The following CAST variants were observed in gnomAD, a reference collection of about 807,000 sequenced individuals.
CAST encodes calpastatin.
A neutral mutation model predicts 119.6 loss-of-function variants in CAST; 76 were observed. That is an observed-to-expected ratio of 0.64 (90% CI 0.53 to 0.77). CAST has a LOEUF of 0.77. Ranked by LOEUF, CAST falls within the 30% of genes least tolerant of loss-of-function variation. The probability of loss-of-function intolerance (pLI) is 0.00; values close to 1 mark genes in which losing one functional copy is unlikely to be tolerated. For synonymous variants in CAST, 319 were observed against 331.6 expected, an observed-to-expected ratio of 0.96 and a Z score of 0.41; for missense variants, 953 against 946.5, an observed-to-expected ratio of 1.01 and a Z score of -0.09.
chr5:96,244,888 T>A, the CAST span, among the ~76,000 whole-genome samples: 2 of 152,202 alleles, frequency 1.3e-5, no homozygotes, highest in Admixed American at 1.3e-4. Context: ...TGTGGGTAAA[T>A]ATAGCCTTAG....
At position 96,711,457 on chromosome 5, in the gene CAST, CAAAT is replaced by C. The variant is rs764244233; in HGVS notation, c.211-11177_211-11174del. Among the ~76,000 whole-genome samples the C allele has an allele frequency of 3.5e-4, 54 of 152,196 alleles. 1 individual carries two copies. Among genetic ancestry groups the C allele is most frequent in the African/African-American group, 1.2e-3 (51 of 41,532 alleles). ...TGTAGATTTTGAAAATAAATAGAAACAAATAAATTTAACATTTATTAATTTATTG... is the reference window on the plus strand; with the variant it reads ...TGTAGATTTTGAAAATAAATAGAAACAAATTTAACATTTATTAATTTATTG... On this transcript the variant is annotated intron_variant, in intron 3 of 31. Transcript: ENST00000675179.
intron 29 of CAST, chr5:96,769,425 AAAGCCAG>A (rs1462297728): frequency 3.3e-5 from 5 of 151,390 alleles, no homozygotes; most frequent in African/African-American, 1.2e-4. Context: ...TTGGTACACA[AAAGCCAG>A]TCCTGATCGA....
At chr5:96,164,308 T>C in the CAST span, among the ~76,000 whole-genome samples, 1 of 152,226 alleles carries the variant, frequency 6.6e-6, no homozygotes, top group African/African-American at 2.4e-5. Flanking sequence ...ATGAGACATA[T>C]TCACTTATAA....
chr5:96,325,196 C>A, the CAST span, among the ~76,000 whole-genome samples: 1 of 151,750 alleles, frequency 6.6e-6, no homozygotes, highest in African/African-American at 2.4e-5. Context: ...AGAGTGAGAG[C>A]CTGTCTCAAA....
At chr5:96,410,770 A>C in the CAST span, 1 of 1,610,520 alleles carries the variant, frequency 6.2e-7, no homozygotes, top group Non-Finnish European at 8.5e-7. Context: ...CAAAAGCAAC[A>C]TACGATTCTC....
chr5:96,401,086 C>A, the CAST span, among the ~76,000 whole-genome samples: 202 of 70,526 alleles, frequency 2.9e-3, no homozygotes, highest in South Asian at 0.013. Context: ...GACTCCGTCT[C>A]AAAAAAAAAA....
the CAST span, among the ~76,000 whole-genome samples, chr5:96,113,041 A>G: frequency 6.6e-6 from 1 of 152,184 alleles, no homozygotes; most frequent in Non-Finnish European, 1.5e-5. Context: ...TCTCCCATAG[A>G]TGGTTGATCC....
At chr5:96,168,737 G>A in the CAST span, among the ~76,000 whole-genome samples, 1 of 152,162 alleles carries the variant, frequency 6.6e-6, no homozygotes, top group Admixed American at 6.5e-5. Flanking sequence ...TGGGGGTCAG[G>A]TGTGGTATCC....
chr5:96,126,193 G>A, the CAST span, among the ~76,000 whole-genome samples: 1 of 152,116 alleles, frequency 6.6e-6, no homozygotes, highest in East Asian at 1.9e-4. Flanking sequence ...TCAGCACAAA[G>A]TCTGTTATAT....
the CAST span, among the ~76,000 whole-genome samples, chr5:96,346,762 C>T: frequency 8.9e-4 from 135 of 152,212 alleles, no homozygotes; most frequent in African/African-American, 3.1e-3. Flanking sequence ...TCCATACTCA[C>T]GCACCTGTTC....
At chr5:96,296,507 T>C in the CAST span, among the ~76,000 whole-genome samples, 4 of 152,342 alleles carry the variant, frequency 2.6e-5, no homozygotes, top group Non-Finnish European at 5.9e-5. Context: ...GCAAATTATT[T>C]TCTGTTGAAG....
chr5:96,107,719 A>C, the CAST span, among the ~76,000 whole-genome samples: 1 of 152,076 alleles, frequency 6.6e-6, no homozygotes, highest in South Asian at 2.1e-4. Context: ...TGCTCTTCTC[A>C]AGGAGTATCT....
the CAST span, among the ~76,000 whole-genome samples, chr5:96,453,896 G>GA: frequency 5.3e-5 from 8 of 150,910 alleles, no homozygotes; most frequent in South Asian, 2.1e-4. Context: ...CAGATTGGAA[G>GA]AAAAAAAAAG....
the CAST span, among the ~76,000 whole-genome samples, chr5:95,979,478 A>G: frequency 6.6e-6 from 1 of 152,244 alleles, no homozygotes; most frequent in African/African-American, 2.4e-5. Flanking sequence ...TAGAGAAACA[A>G]GAGTATGAAC....
chr5:96,480,809 T>C, the CAST span, among the ~76,000 whole-genome samples: 1 of 152,182 alleles, frequency 6.6e-6, no homozygotes, highest in Non-Finnish European at 1.5e-5. Flanking sequence ...CCAGTGACCT[T>C]TTGAAGCAGT....
chr5:96,714,257 A>G (rs1756790193), intron 3 of CAST, among the ~76,000 whole-genome samples: 1 of 152,204 alleles, frequency 6.6e-6, no homozygotes, highest in Admixed American at 6.5e-5. Context: ...TGCAACCAGA[A>G]TTAGGCCTCA....
the CAST span, among the ~76,000 whole-genome samples, chr5:96,478,384 T>G: frequency 1.3e-5 from 2 of 152,262 alleles, no homozygotes. Flanking sequence ...TGATGCACAT[T>G]TGATGCAGAA....
chr5:96,757,601 C>T lies in CAST; in HGVS notation c.1780C>T (p.Leu594Phe). The change falls in exon 24 of 32, where the codon CTT (leucine) becomes TTT (phenylalanine). Residue 594 changes from leucine to phenylalanine, a missense_variant. Coordinates refer to ENST00000675179, the MANE Select transcript of CAST (RefSeq NM_001750.7). ...CTTGCAGCCCATGAGTGAAGACTTC[C>T]TTCTGGATGCTTTGTCTGAGGACTT... is the stretch of plus-strand genomic sequence containing the variant. ...EQLPPMSEDF[L>F]LDALSEDFSG... is the part of the protein sequence containing the mutation. 6.2e-7 allele frequency: 1 copy of T among 1,613,684 alleles called. No individual in the cohort carries two copies. Among genetic ancestry groups the T allele is most frequent in the Non-Finnish European group, 8.5e-7 (1 of 1,179,790 alleles).
At chr5:96,771,489 C>A (rs1772295377) in intron 30 of CAST, among the ~76,000 whole-genome samples, 155 bp from the exon 31 acceptor site, 2 of 152,188 alleles carry the variant, frequency 1.3e-5, no homozygotes, top group Admixed American at 1.3e-4. Context: ...AGGAAGAACT[C>A]ACAATATTGT....
Sources: allele counts gnomAD v4.1 joint callset (sites outside exome capture counted in the v4.1 genomes callset), GRCh38; gene constraint gnomAD v4.1.1; transcripts MANE v1.5; gene names NCBI Gene and HGNC (gene_info 2026-07-23, HGNC 2026-07-21).